Variants in CREB3L1 observed in about 807,000 individuals in gnomAD.
CREB3L1 encodes the protein cyclic AMP-responsive element-binding protein 3-like protein 1.
A neutral mutation model predicts 54.5 loss-of-function variants in CREB3L1; 33 were observed. The ratio of observed to expected loss-of-function variants is 0.61; its 90% CI spans 0.46 to 0.81. CREB3L1 has a LOEUF of 0.81. Ranked by LOEUF, CREB3L1 falls within the 30% of genes least tolerant of loss-of-function variation. The probability of loss-of-function intolerance (pLI) is 0.00; values close to 1 mark genes in which losing one functional copy is unlikely to be tolerated. For synonymous variants in CREB3L1, 284 were observed against 286.4 expected (o/e 0.99, Z 0.08); for missense variants, 656 against 673.3 (o/e 0.97, Z 0.29).
intron 10 of CREB3L1, among the ~76,000 whole-genome samples, chr11:46,318,853 C>T (rs73464027): frequency 0.037 from 5,586 of 152,060 alleles, 348 homozygotes; most frequent in African/African-American, 0.13. Context: ...ATGAGCTAGA[C>T]GTTGAGGGCC....
Position 46,317,429 on chromosome 11 carries a change from C to T in CREB3L1, c.1200C>T (p.Gly400=). Residue 400 remains glycine, a synonymous_variant, in exon 10 of 12, where the codon GGC becomes GGT. Coordinates refer to ENST00000621158, the MANE Select transcript of CREB3L1 (RefSeq NM_052854.4). ...CCTGCCTTCCCGAGTTCTCCTCCGGCTCCCAGACTGTGAAGGAAGACCCCC... is the reference window on the plus strand; with the variant it reads ...CCTGCCTTCCCGAGTTCTCCTCCGGTTCCCAGACTGTGAAGGAAGACCCCC... The part of the protein sequence containing the change: ...LVPCLPEFSS[G]SQTVKEDPLA... 6.2e-7 allele frequency: 1 copy of T among 1,613,698 alleles called. No homozygotes were observed. Among genetic ancestry groups the T allele is most frequent in the Non-Finnish European group, 8.5e-7 (1 of 1,179,864 alleles).
At chr11:46,306,234 G>T (rs991159786) in intron 2 of CREB3L1, among the ~76,000 whole-genome samples, 2 of 152,120 alleles carry the variant, frequency 1.3e-5, no homozygotes, top group African/African-American at 4.8e-5. Context: ...TGCAAATTTG[G>T]GCCAGGTGCA....
intron 2 of CREB3L1, among the ~76,000 whole-genome samples, chr11:46,307,559 G>A (rs1447643421): frequency 6.6e-6 from 1 of 152,170 alleles, no homozygotes; most frequent in African/African-American, 2.4e-5. Context: ...ACTAGCCTAA[G>A]GTCACACACA....
chr11:46,310,863 C>A, intron 4 of CREB3L1, 169 bp from the exon 5 acceptor site: 1 of 1,008,216 alleles, frequency 9.9e-7, no homozygotes, highest in Non-Finnish European at 1.3e-6. Flanking sequence ...TGTCAACTGT[C>A]TTTCTGACCC....
chr11:46,315,527 A>G (rs993597679), intron 8 of CREB3L1: 1 of 201,234 alleles, frequency 5.0e-6, no homozygotes. Flanking sequence ...TGATAAAAGC[A>G]AACACAGCAA....
chr11:46,302,344 C>A (rs543381546), intron 2 of CREB3L1, among the ~76,000 whole-genome samples: 71 of 152,162 alleles, frequency 4.7e-4, no homozygotes, highest in Non-Finnish European at 9.6e-4. Flanking sequence ...AAGCTCTCCT[C>A]TCCCCCTAAC....
At chr11:46,283,134 T>C (rs1590337071) in intron 1 of CREB3L1, among the ~76,000 whole-genome samples, 1 of 152,104 alleles carries the variant, frequency 6.6e-6, no homozygotes, top group African/African-American at 2.4e-5. Context: ...GGGACTGCAG[T>C]GAGCCATAAT....
chr11:46,296,636 C>T (rs1348800699), intron 1 of CREB3L1, among the ~76,000 whole-genome samples: 1 of 152,138 alleles, frequency 6.6e-6, no homozygotes, highest in Non-Finnish European at 1.5e-5. Context: ...GGCAGTGCTC[C>T]CAGGAGGGCG....
At chr11:46,300,911 A>G (rs1460878623) in intron 2 of CREB3L1, among the ~76,000 whole-genome samples, 2 of 148,948 alleles carry the variant, frequency 1.3e-5, no homozygotes, top group East Asian at 4.1e-4. Flanking sequence ...AAGCTGAGGC[A>G]GGAGAATGGC....
chr11:46,280,028 C>T (rs1938943627), intron 1 of CREB3L1, among the ~76,000 whole-genome samples: 2 of 152,158 alleles, frequency 1.3e-5, no homozygotes, highest in South Asian at 4.2e-4. Context: ...CCTGGGGCAG[C>T]GCCAGGAGAG....
At position 46,313,429 on chromosome 11, in the gene CREB3L1, G is replaced by A. The variant is rs181673391; in HGVS notation, c.1031+510G>A. ...AGGCTGGGCACGGTGGCTCACGCTT[G>A]TAATCTCAGCACTTTGGGAGGATGA... is the stretch of plus-strand genomic sequence containing the variant. On this transcript the variant is annotated intron_variant, in intron 8 of 11. Transcript: ENST00000621158. Among the ~76,000 whole-genome samples the A allele has an allele frequency of 7.2e-5, 11 of 152,306 alleles. No homozygotes were observed. The East Asian group carries it at 2.1e-3, about 29-fold the overall frequency.
intron 1 of CREB3L1, among the ~76,000 whole-genome samples, chr11:46,290,683 C>T (rs1939117013): frequency 6.6e-6 from 1 of 151,374 alleles, no homozygotes; most frequent in Admixed American, 6.6e-5. Flanking sequence ...GACTGTGGCA[C>T]GGTGCCAGAG....
Position 46,321,040 on chromosome 11 carries a change from C to G in CREB3L1, c.*294C>G. 1 of 601,402 alleles carries G rather than the reference C, an allele frequency of 1.7e-6. No homozygotes were observed. The allele number at this position is 601,402 out of a possible 1,614,324, so 37.3% of individuals were successfully genotyped here. On this transcript the variant is annotated 3_prime_UTR_variant, in exon 12 of 12. Transcript: ENST00000621158. ...CAACACGACCACTGCCTCCCTGCCCCCACACCTGCACCCAAACAGACACAT... is the reference window on the plus strand; with the variant it reads ...CAACACGACCACTGCCTCCCTGCCCGCACACCTGCACCCAAACAGACACAT...
At chr11:46,289,243 G>A (rs1939099945) in intron 1 of CREB3L1, among the ~76,000 whole-genome samples, 1 of 152,118 alleles carries the variant, frequency 6.6e-6, no homozygotes, top group Non-Finnish European at 1.5e-5. Context: ...GCCAGACATG[G>A]TGGTCCATTC....
chr11:46,310,255 TTTTGTTTG>T (rs10629837), intron 4 of CREB3L1, among the ~76,000 whole-genome samples, 188 bp downstream of exon 4: 37 of 150,118 alleles, frequency 2.5e-4, no homozygotes, highest in Admixed American at 7.3e-4. Flanking sequence ...CGTTTTTGTT[TTTTGTTTG>T]TTTGTTTGTT....
At chr11:46,311,828 T>G (rs1671397835) in intron 5 of CREB3L1, among the ~76,000 whole-genome samples, 1 of 152,190 alleles carries the variant, frequency 6.6e-6, no homozygotes, top group African/African-American at 2.4e-5. Context: ...TGCCTCATGG[T>G]GAACAGGAGA....
At chr11:46,319,266 A>G (rs1939612160) in intron 10 of CREB3L1, among the ~76,000 whole-genome samples, 1 of 152,164 alleles carries the variant, frequency 6.6e-6, no homozygotes, top group Non-Finnish European at 1.5e-5. Context: ...CTCTGTTCAC[A>G]CAGACTATGA....
Position 46,316,734 on chromosome 11 carries a change from T to C in CREB3L1, c.1131+349T>C, listed in dbSNP as rs376853934. Among the ~76,000 whole-genome samples, 78 of 152,116 alleles carry C rather than the reference T, an allele frequency of 5.1e-4. No homozygotes were observed. The South Asian group carries it at 0.015, about 30-fold the overall frequency. On this transcript the variant is annotated intron_variant, in intron 9 of 11. Transcript: ENST00000621158. Reference sequence around the variant, plus strand: ...GAGACTCAGGGAAGAACGGACATGGTTCTTTCTGGAACAGATGGCAGTGAA... The same window carrying C: ...GAGACTCAGGGAAGAACGGACATGGCTCTTTCTGGAACAGATGGCAGTGAA...
chr11:46,319,098 C>T (rs1188487417), intron 10 of CREB3L1, among the ~76,000 whole-genome samples: 1 of 152,118 alleles, frequency 6.6e-6, no homozygotes, highest in Non-Finnish European at 1.5e-5. Flanking sequence ...TGGATAAAGC[C>T]ACAGTGAGAG....
Sources: allele counts gnomAD v4.1 joint callset (sites outside exome capture counted in the v4.1 genomes callset), GRCh38; gene constraint gnomAD v4.1.1; transcripts MANE v1.5; gene names NCBI Gene and HGNC (gene_info 2026-07-23, HGNC 2026-07-21).